MYO1B: variants seen among roughly 807,000 people sequenced by gnomAD.
MYO1B encodes unconventional myosin-Ib.
Under a neutral mutation model 159.7 loss-of-function variants are expected in MYO1B, and 72 were observed. That is an observed-to-expected ratio of 0.45 (90% CI 0.37 to 0.55). The LOEUF is 0.55. MYO1B is among the 20% of genes least tolerant of loss of function. The pLI, the probability that MYO1B is intolerant of heterozygous loss-of-function variation, is 0.00. For synonymous variants in MYO1B, 468 were observed against 473.8 expected (o/e 0.99, Z 0.16); for missense variants, 1,062 against 1,364.8 (o/e 0.78, Z 3.50).
At chr2:191,380,535 T>C (rs1694977955) in intron 13 of MYO1B, among the ~76,000 whole-genome samples, 1 of 152,212 alleles carries the variant, frequency 6.6e-6, no homozygotes. Flanking sequence ...ATCTACTTCT[T>C]CCTGGACGAT....
At chr2:191,340,250 T>C (rs1286767778) in intron 4 of MYO1B, among the ~76,000 whole-genome samples, 2 of 151,908 alleles carry the variant, frequency 1.3e-5, no homozygotes, top group Non-Finnish European at 2.9e-5. Context: ...GCATTCTAGA[T>C]CCTTTTTTAG....
intron 7 of MYO1B, among the ~76,000 whole-genome samples, chr2:191,356,414 G>A (rs976545111): frequency 2.1e-5 from 3 of 140,498 alleles, no homozygotes; most frequent in African/African-American, 5.3e-5. Flanking sequence ...GTCAATCATT[G>A]GTTGTGAAGT....
rs73981564 is a variant in MYO1B at position 191,328,688 on chromosome 2, G to A, written c.252-1247G>A. 8.5e-3 allele frequency among the ~76,000 whole-genome samples: 1,288 copies of A among 152,134 alleles called. 19 individuals are homozygous for A. The highest frequency in any genetic ancestry group is 0.03 in the African/African-American group (1,228 of 41,512). On this transcript the variant is annotated intron_variant, in intron 3 of 30. Coordinates refer to ENST00000392318, the MANE Select transcript of MYO1B (RefSeq NM_001130158.3). ...ATTTGGAACCTGCCTATCTCTCTCC[G>A]CAGCTCATCTCTTATCCTCTCTTCA...
At chr2:191,321,112 T>C (rs900642037) in intron 3 of MYO1B, among the ~76,000 whole-genome samples, 2 of 152,180 alleles carry the variant, frequency 1.3e-5, no homozygotes, top group Admixed American at 1.3e-4. Context: ...TGACGTACTT[T>C]AGATCAGAAT....
At chr2:191,308,774 C>T (rs1409639068) in intron 3 of MYO1B, among the ~76,000 whole-genome samples, 2 of 152,190 alleles carry the variant, frequency 1.3e-5, no homozygotes, top group African/African-American at 4.8e-5. Context: ...TTTGTGACCT[C>T]CATGTTATCA....
At chr2:191,285,294 T>A (rs545874469) in intron 2 of MYO1B, among the ~76,000 whole-genome samples, 1 of 152,326 alleles carries the variant, frequency 6.6e-6, no homozygotes, top group African/African-American at 2.4e-5. Flanking sequence ...AGCCAGTATT[T>A]CAGCGTGGCG....
At chr2:191,257,278 G>T (rs982365991) in intron 1 of MYO1B, among the ~76,000 whole-genome samples, 1 of 152,014 alleles carries the variant, frequency 6.6e-6, no homozygotes, top group Admixed American at 6.6e-5. Flanking sequence ...GAACTCTGGG[G>T]GTCTGTGACC....
chr2:191,292,711 C>A (rs73058683), intron 2 of MYO1B, among the ~76,000 whole-genome samples: 2,241 of 152,140 alleles, frequency 0.015, 57 homozygotes, highest in African/African-American at 0.051. Flanking sequence ...TTTTAGAGTA[C>A]CTTGGCCTAG....
At chr2:191,386,884 A>G (rs949375977) in intron 16 of MYO1B, among the ~76,000 whole-genome samples, 9 of 152,326 alleles carry the variant, frequency 5.9e-5, no homozygotes, top group African/African-American at 2.2e-4. Flanking sequence ...AACAGACTAG[A>G]ATTGGTATGT....
At chr2:191,309,397 C>G (rs1689854488) in intron 3 of MYO1B, among the ~76,000 whole-genome samples, 1 of 152,188 alleles carries the variant, frequency 6.6e-6, no homozygotes, top group African/African-American at 2.4e-5. Context: ...CACTGTGTCC[C>G]TGCTTCAACT....
intron 3 of MYO1B, among the ~76,000 whole-genome samples, chr2:191,318,277 C>T (rs1015270279): frequency 3.3e-5 from 5 of 152,088 alleles, no homozygotes; most frequent in African/African-American, 9.7e-5. Context: ...TAGAGGAGGG[C>T]CTTGCTTGCT....
At chr2:191,376,493 C>G (rs1461478605) in intron 13 of MYO1B, among the ~76,000 whole-genome samples, 2 of 152,034 alleles carry the variant, frequency 1.3e-5, no homozygotes, top group African/African-American at 4.8e-5. Flanking sequence ...ATAATATAGC[C>G]CAACTTCCCT....
At chr2:191,383,597 C>A (rs141388923) in intron 15 of MYO1B, among the ~76,000 whole-genome samples, 180 of 149,240 alleles carry the variant, frequency 1.2e-3, no homozygotes, top group Non-Finnish European at 2.1e-3. Context: ...TTTATTGTAG[C>A]CCTAAGAGAT....
chr2:191,307,870 G>A (rs1014423088), intron 3 of MYO1B, among the ~76,000 whole-genome samples: 3 of 152,178 alleles, frequency 2.0e-5, no homozygotes, highest in Non-Finnish European at 4.4e-5. Context: ...TGGAAGAGCT[G>A]CAGAGGGCAC....
chr2:191,313,232 C>T (rs567840655), intron 3 of MYO1B, among the ~76,000 whole-genome samples: 9 of 44,654 alleles, frequency 2.0e-4, no homozygotes, highest in Admixed American at 1.0e-3. Flanking sequence ...TTTTTTGAGA[C>T]GGAGTTTCAC....
At chr2:191,394,856 T>C (rs535811583) in intron 20 of MYO1B, among the ~76,000 whole-genome samples, 21 of 152,350 alleles carry the variant, frequency 1.4e-4, no homozygotes, top group African/African-American at 5.1e-4. Flanking sequence ...GCAATATTAG[T>C]TGGTAGAATG....
chr2:191,332,563 A>G (rs1409910397), intron 4 of MYO1B, among the ~76,000 whole-genome samples: 1 of 152,146 alleles, frequency 6.6e-6, no homozygotes, highest in Non-Finnish European at 1.5e-5. Context: ...TAATGATACT[A>G]GCTAACCCAC....
chr2:191,409,763 G>A (rs1697149515), intron 26 of MYO1B, among the ~76,000 whole-genome samples: 1 of 152,150 alleles, frequency 6.6e-6, no homozygotes, highest in East Asian at 1.9e-4. Flanking sequence ...AAGAGGACAT[G>A]GCATGTAATT....
At chr2:191,266,514 G>T (rs1001773386) in intron 1 of MYO1B, among the ~76,000 whole-genome samples, 1 of 152,134 alleles carries the variant, frequency 6.6e-6, no homozygotes, top group African/African-American at 2.4e-5. Flanking sequence ...AAAACTCTTT[G>T]AAAAATGGTG....
Sources: allele counts gnomAD v4.1 joint callset (sites outside exome capture counted in the v4.1 genomes callset), GRCh38; gene constraint gnomAD v4.1.1; transcripts MANE v1.5; gene names NCBI Gene and HGNC (gene_info 2026-07-23, HGNC 2026-07-21).